The following CUL1 variants were observed in gnomAD, a reference collection of about 807,000 sequenced individuals.
The protein encoded by CUL1 is cullin-1.
A neutral mutation model predicts 118.0 loss-of-function variants in CUL1; 24 were observed. The observed-to-expected ratio is 0.20, with a 90% CI of 0.15 to 0.29. The LOEUF (loss-of-function observed/expected upper bound fraction) is 0.29, where lower values mean the gene tolerates loss of function less well. Among genes scored for constraint, CUL1 ranks in the 10% least tolerant of loss-of-function variants. The pLI is 1.00. For synonymous variants in CUL1, 332 were observed against 340.4 expected (o/e 0.98, Z 0.27); for missense variants, 361 against 933.8 (o/e 0.39, Z 7.99).
chr7:148,725,617 C>A (rs528147055), intron 1 of CUL1, among the ~76,000 whole-genome samples: 2 of 152,202 alleles, frequency 1.3e-5, no homozygotes, highest in African/African-American at 4.8e-5. Flanking sequence ...CCACCCAAGC[C>A]AGGTCTCAGC....
chr7:148,705,945 G>C (rs1261856742), intron 1 of CUL1, among the ~76,000 whole-genome samples: 1 of 152,142 alleles, frequency 6.6e-6, no homozygotes, highest in African/African-American at 2.4e-5. Flanking sequence ...TCTAGGTTGA[G>C]CATCCCTAAT....
At chr7:148,758,118 G>A (rs1799717100) in intron 4 of CUL1, among the ~76,000 whole-genome samples, 1 of 152,152 alleles carries the variant, frequency 6.6e-6, no homozygotes, top group African/African-American at 2.4e-5. Flanking sequence ...TGGAGATGGG[G>A]CCCAGCAATG....
chr7:148,751,024 GAAATGGATATT>G (rs1405544012), intron 2 of CUL1, among the ~76,000 whole-genome samples: 2 of 150,898 alleles, frequency 1.3e-5, no homozygotes, highest in Non-Finnish European at 3.0e-5. Flanking sequence ...CTATGCCCTA[GAAATGGATATT>G]AAAACCATAA....
chr7:148,799,239 C>G (rs756375560), intron 20 of CUL1, 36 bp from the exon 21 acceptor site: 5 of 1,519,710 alleles, frequency 3.3e-6, no homozygotes, highest in Non-Finnish European at 4.6e-6. Context: ...TGTTACAGCT[C>G]TAAATGCACT....
chr7:148,750,464 G>A (rs1354386003), intron 2 of CUL1, among the ~76,000 whole-genome samples: 2 of 151,914 alleles, frequency 1.3e-5, no homozygotes, highest in South Asian at 2.1e-4. Flanking sequence ...CCCGCCCCAC[G>A]ACAGGCCCTG....
At chr7:148,783,673 T>C in intron 9 of CUL1, 110 bp from the exon 10 acceptor site, 3 of 1,562,942 alleles carry the variant, frequency 1.9e-6, no homozygotes, top group Non-Finnish European at 2.6e-6. Flanking sequence ...TTTGAAAAGG[T>C]ATCTATAGCT....
intron 1 of CUL1, among the ~76,000 whole-genome samples, chr7:148,707,416 A>G (rs965681269): frequency 6.6e-6 from 1 of 152,238 alleles, no homozygotes; most frequent in Non-Finnish European, 1.5e-5. Context: ...ATTTTAAAGC[A>G]TATGGGAGAC....
chr7:148,705,979 A>C (rs1167226585), intron 1 of CUL1, among the ~76,000 whole-genome samples: 1 of 152,190 alleles, frequency 6.6e-6, no homozygotes, highest in Non-Finnish European at 1.5e-5. Flanking sequence ...ATCCTCCAGA[A>C]TCTAAAACTT....
In CUL1 at chr7:148,797,874, T is replaced by C; in HGVS notation, c.1947+15T>C. On this transcript the variant is annotated intron_variant, in intron 18 of 21. Coordinates refer to ENST00000325222, the MANE Select transcript of CUL1 (RefSeq NM_003592.3). ...CGAAGCTATTGGTAGGTTTGCGCCC[T>C]TTTATCTTACACTAGAAGAAGCCTT... The C allele has an allele frequency of 6.2e-7, 1 of 1,611,912 alleles. No homozygotes were observed. Among genetic ancestry groups the C allele is most frequent in the African/African-American group, 1.3e-5 (1 of 74,988 alleles).
chr7:148,770,708 AG>A (rs1800180341), intron 9 of CUL1, among the ~76,000 whole-genome samples: 1 of 152,180 alleles, frequency 6.6e-6, no homozygotes, highest in African/African-American at 2.4e-5. Context: ...ATTGAAGCTC[AG>A]GGGGAGCGTG....
At chr7:148,763,251 G>A (rs762856225) in intron 7 of CUL1, among the ~76,000 whole-genome samples, 7 of 152,282 alleles carry the variant, frequency 4.6e-5, no homozygotes, top group Admixed American at 2.6e-4. Context: ...CATGAGGCCC[G>A]CCTTCAAGGA....
intron 9 of CUL1, among the ~76,000 whole-genome samples, chr7:148,773,508 C>G (rs1003065128): frequency 5.9e-5 from 9 of 152,158 alleles, no homozygotes; most frequent in African/African-American, 2.2e-4. Context: ...TGGTACAGCC[C>G]TTGAGAGCGA....
intron 9 of CUL1, among the ~76,000 whole-genome samples, chr7:148,776,177 A>T (rs538540404): frequency 5.3e-5 from 8 of 151,164 alleles, no homozygotes; most frequent in African/African-American, 1.9e-4. Context: ...CTGCAGGAAG[A>T]CCCCCCTCTG....
At chr7:148,750,578 C>A (rs971973152) in intron 2 of CUL1, among the ~76,000 whole-genome samples, 3 of 152,056 alleles carry the variant, frequency 2.0e-5, no homozygotes, top group African/African-American at 7.2e-5. Context: ...TGATAGTTTG[C>A]TCAGAATGAT....
chr7:148,747,579 A>G (rs1331711462), intron 2 of CUL1, among the ~76,000 whole-genome samples: 1 of 152,200 alleles, frequency 6.6e-6, no homozygotes, highest in Middle Eastern at 3.2e-3. Flanking sequence ...AATACCCTTA[A>G]GTGTATAGGT....
In CUL1 at chr7:148,739,667, T is replaced by TC. The variant is rs1322083473; in HGVS notation, c.140+9406dup. Among the ~76,000 whole-genome samples, 6 of 152,364 alleles carry TC rather than the reference T, an allele frequency of 3.9e-5. No individual in the cohort carries two copies. In the East Asian group the frequency reaches 1.2e-3, roughly 29 times the overall value. Reference sequence around the variant, plus strand: ...CAGATATATTTTGCTAATATTTTCTTCAAGTCTGAGGCTTGCTAATCATTT... The same window carrying TC: ...CAGATATATTTTGCTAATATTTTCTTCCAAGTCTGAGGCTTGCTAATCATTT... On this transcript the variant is annotated intron_variant, in intron 2 of 21. Coordinates refer to ENST00000325222, the MANE Select transcript of CUL1 (RefSeq NM_003592.3).
rs1044785865 is a variant in CUL1, at chr7:148,786,860, G to T, written c.1348-129G>T. 11 of 1,241,544 alleles carry T rather than the reference G, an allele frequency of 8.9e-6. 1 individual carries two copies. The highest frequency in any genetic ancestry group is 1.2e-5 in the Non-Finnish European group (11 of 893,610). 76.9% of individuals were successfully genotyped at this position (1,241,544 alleles called of 1,614,324 possible). A position where few individuals can be genotyped will look rare whatever the true frequency, so the allele number is the denominator to read the frequency against. ...GAGTGGAGATTTTGCCATCATAAACGTTGGCGTACAGACCTGCCCAAAGCC... is the reference window on the plus strand; with the variant it reads ...GAGTGGAGATTTTGCCATCATAAACTTTGGCGTACAGACCTGCCCAAAGCC... On this transcript the variant is annotated intron_variant, in intron 12 of 21. Transcript: ENST00000325222.
intron 1 of CUL1, among the ~76,000 whole-genome samples, chr7:148,699,314 C>A (rs955455692): frequency 1.3e-5 from 2 of 151,866 alleles, no homozygotes; most frequent in African/African-American, 4.8e-5. Flanking sequence ...GGAAAAAGCA[C>A]GATTCATCGC....
At chr7:148,724,825 TCC>T in intron 1 of CUL1, among the ~76,000 whole-genome samples, 1 of 152,314 alleles carries the variant, frequency 6.6e-6, no homozygotes, top group Non-Finnish European at 1.5e-5. Flanking sequence ...CTACCTGATT[TCC>T]TAAGTATATT....
Sources: gnomAD v4.1 joint callset for allele counts (sites outside exome capture counted in the v4.1 genomes callset) on GRCh38, gnomAD v4.1.1 for gene constraint, MANE v1.5 for transcripts, NCBI Gene and HGNC (gene_info 2026-07-23, HGNC 2026-07-21) for gene names.